The following MYOCD variants were observed in gnomAD, a reference collection of about 807,000 sequenced individuals.
The protein encoded by MYOCD is myocardin.
In MYOCD, 32 loss-of-function variants were observed where a neutral mutation model predicts 96.1. The ratio of observed to expected loss-of-function variants is 0.33; its 90% confidence interval spans 0.25 to 0.45. MYOCD has a LOEUF of 0.45. Among genes scored for constraint, MYOCD ranks in the 20% least tolerant of loss-of-function variants. The probability of loss-of-function intolerance (pLI) is 1.00; values close to 1 mark genes in which losing one functional copy is unlikely to be tolerated. For synonymous variants in MYOCD, 469 were observed against 469.0 expected (o/e 1.00, Z 0.00); for missense variants, 1,133 against 1,200.6 (o/e 0.94, Z 0.83).
intron 2 of MYOCD, among the ~76,000 whole-genome samples, chr17:12,708,432 C>G (rs1045364877): frequency 2.0e-5 from 3 of 151,066 alleles, no homozygotes; most frequent in African/African-American, 7.3e-5. Context: ...CTCACTGTGT[C>G]GCCCAGGCTG....
At chr17:12,668,651 C>T (rs146984386) in intron 1 of MYOCD, among the ~76,000 whole-genome samples, 6 of 151,428 alleles carry the variant, frequency 4.0e-5, no homozygotes, top group East Asian at 1.9e-4. Context: ...TGGTTGAGTG[C>T]GTGGGTCTCG....
intron 1 of MYOCD, among the ~76,000 whole-genome samples, chr17:12,667,542 G>A (rs1418229649): frequency 6.6e-6 from 1 of 152,176 alleles, no homozygotes. Context: ...AAACTGTAAG[G>A]CAACACTGCC....
intron 1 of MYOCD, among the ~76,000 whole-genome samples, chr17:12,686,699 C>T (rs1440840016): frequency 6.6e-6 from 1 of 152,122 alleles, no homozygotes; most frequent in East Asian, 1.9e-4. Flanking sequence ...GCACTGGTTG[C>T]TAGGCAGGGT....
At chr17:12,712,875 C>T (rs2031522846) in intron 2 of MYOCD, among the ~76,000 whole-genome samples, 1 of 152,140 alleles carries the variant, frequency 6.6e-6, no homozygotes, top group Admixed American at 6.5e-5. Context: ...TTTGATACTC[C>T]CCAGGCTGGC....
chr17:12,715,424 C>A, intron 2 of MYOCD, 95 bp from the exon 3 acceptor site: 6 of 999,140 alleles, frequency 6.0e-6, no homozygotes, highest in Non-Finnish European at 9.2e-6. Flanking sequence ...CACCTCCCTA[C>A]TGTGCATAGC....
chr17:12,748,160 C>CAAAAAAAAAAAAAAA (rs58002174), intron 9 of MYOCD, among the ~76,000 whole-genome samples: 41 of 90,512 alleles, frequency 4.5e-4, no homozygotes, highest in East Asian at 1.3e-3. Flanking sequence ...GACTCCGTCT[C>CAAAAAAAAAAAAAAA]AAAAAAAAAA....
intron 1 of MYOCD, among the ~76,000 whole-genome samples, chr17:12,684,843 C>T (rs2030014611): frequency 7.2e-6 from 1 of 139,196 alleles, no homozygotes; most frequent in South Asian, 2.3e-4. Flanking sequence ...GAGAATTCGT[C>T]TCAAAAAAAA....
chr17:12,693,514 G>T (rs541551670), intron 1 of MYOCD, among the ~76,000 whole-genome samples: 1 of 152,114 alleles, frequency 6.6e-6, no homozygotes, highest in Non-Finnish European at 1.5e-5. Context: ...GGAGGCTGAG[G>T]CAGGAGATTC....
rs770098417 is a variant in MYOCD at position 12,763,344 on chromosome 17, G to A, written c.2661G>A (p.Met887Ile). The A allele has an allele frequency of 2.5e-6, 4 of 1,602,124 alleles. No individual in the cohort carries two copies. In the Admixed American group the frequency reaches 5.1e-5, roughly 21 times the overall value. Residue 887 changes from methionine (M) to isoleucine (I), a missense_variant, in exon 14 of 14, where the codon ATG becomes ATA. By Grantham distance (10) the Met-to-Ile change is conservative. Transcript: ENST00000425538. ...GSEEPHFDGI[M>I]DGFSGKAAED... is the part of the protein sequence containing the mutation. ...AAGAGCCTCACTTTGATGGGATAAT[G>A]GATGGATTCTCTGGGAAGGCTGCAG... is the stretch of plus-strand genomic sequence containing the variant.
intron 5 of MYOCD, among the ~76,000 whole-genome samples, chr17:12,728,447 A>G (rs777692623): frequency 1.3e-5 from 2 of 152,008 alleles, no homozygotes; most frequent in Non-Finnish European, 2.9e-5. Context: ...TTTTCATGGG[A>G]CTGGGCCAGT....
chr17:12,723,560 C>T (rs891330333), intron 5 of MYOCD, among the ~76,000 whole-genome samples: 1 of 152,194 alleles, frequency 6.6e-6, no homozygotes, highest in Non-Finnish European at 1.5e-5. Context: ...AGGACAAATA[C>T]TCAAAAAGGA....
chr17:12,742,593 C>A (rs1287266667), intron 7 of MYOCD, among the ~76,000 whole-genome samples: 1 of 150,552 alleles, frequency 6.6e-6, no homozygotes, highest in African/African-American at 2.4e-5. Context: ...TTTTTTGAGG[C>A]GGAGTCTCGC....
intron 1 of MYOCD, among the ~76,000 whole-genome samples, chr17:12,676,241 GCACGCACA>G (rs1849355767): frequency 3.4e-5 from 3 of 87,404 alleles, no homozygotes; most frequent in Admixed American, 1.5e-4. Context: ...CCCTGCGCGC[GCACGCACA>G]CACACACACA....
chr17:12,678,156 G>T (rs1454098549), intron 1 of MYOCD, among the ~76,000 whole-genome samples: 2 of 151,880 alleles, frequency 1.3e-5, no homozygotes, highest in Non-Finnish European at 2.9e-5. Flanking sequence ...CTCCCAAAGT[G>T]CTGGGATTAC....
intron 5 of MYOCD, among the ~76,000 whole-genome samples, chr17:12,733,000 C>T (rs2032223447): frequency 6.6e-6 from 1 of 152,162 alleles, no homozygotes; most frequent in African/African-American, 2.4e-5. Flanking sequence ...TGGAGACAGC[C>T]TTAGCATATG....
chr17:12,675,349 A>G (rs1242256446), intron 1 of MYOCD, among the ~76,000 whole-genome samples: 4 of 152,184 alleles, frequency 2.6e-5, no homozygotes, highest in African/African-American at 9.7e-5. Context: ...TGCCTAACCT[A>G]AAAAAGATGG....
At chr17:12,738,907 T>C (rs571665373) in intron 6 of MYOCD, among the ~76,000 whole-genome samples, 1 of 152,094 alleles carries the variant, frequency 6.6e-6, no homozygotes, top group South Asian at 2.1e-4. Context: ...CTTAGAATGA[T>C]TCCCTTTCTC....
intron 8 of MYOCD, 97 bp from the exon 9 acceptor site, chr17:12,745,822 T>C: frequency 6.1e-6 from 8 of 1,309,976 alleles, no homozygotes; most frequent in Non-Finnish European, 8.6e-6. Context: ...ATTACATGCC[T>C]GACCCTTGCA....
chr17:12,738,717 G>T (rs945897965), intron 6 of MYOCD, among the ~76,000 whole-genome samples: 1 of 151,284 alleles, frequency 6.6e-6, no homozygotes, highest in Middle Eastern at 3.4e-3. Flanking sequence ...TATCTACCTT[G>T]TTCATTGTCC....
Sources: allele counts gnomAD v4.1 joint callset (sites outside exome capture counted in the v4.1 genomes callset), GRCh38; gene constraint gnomAD v4.1.1; transcripts MANE v1.5; gene names NCBI Gene and HGNC (gene_info 2026-07-23, HGNC 2026-07-21).